DPYSL3: variants seen among roughly 807,000 people sequenced by gnomAD.
DPYSL3 encodes dihydropyrimidinase like 3.
Under a neutral mutation model 66.1 loss-of-function variants are expected in DPYSL3, and 16 were observed. The ratio of observed to expected loss-of-function variants is 0.24; its 90% CI spans 0.16 to 0.37. The LOEUF is 0.37. DPYSL3 is among the 10% of genes least tolerant of loss of function. The probability of loss-of-function intolerance (pLI) is 1.00; values close to 1 mark genes in which losing one functional copy is unlikely to be tolerated. For missense variants in DPYSL3, 738 were observed against 916.2 expected (o/e 0.81, Z 2.51); for synonymous variants, 338 against 345.1 (o/e 0.98, Z 0.23).
chr5:147,479,822 A>G (rs898064070), intron 1 of DPYSL3, among the ~76,000 whole-genome samples: 1 of 152,186 alleles, frequency 6.6e-6, no homozygotes, highest in Non-Finnish European at 1.5e-5. Context: ...CACAGAAATC[A>G]GGCTTAGCAT....
chr5:147,402,840 C>G (rs1007985311), intron 8 of DPYSL3, among the ~76,000 whole-genome samples: 6 of 152,132 alleles, frequency 3.9e-5, no homozygotes, highest in African/African-American at 1.2e-4. Flanking sequence ...TGTTTAGCTT[C>G]TTTAAGAAGA....
chr5:147,494,880 A>AAATAATAACAAT (rs767161131), intron 1 of DPYSL3, among the ~76,000 whole-genome samples: 38 of 142,446 alleles, frequency 2.7e-4, no homozygotes, highest in Non-Finnish European at 4.9e-4. Context: ...CTCCATCTCA[A>AAATAATAACAAT]AATAATAATA....
At position 147,392,328 on chromosome 5, in the gene DPYSL3, C is replaced by G. The variant is rs754207295; in HGVS notation, c.*1707G>C. ...CAGAAGGTAGCTTGCTAGGGGAAATCCTGTTCCTTGGCTATCTCCAAATTC... is the reference window on the plus strand; with the variant it reads ...CAGAAGGTAGCTTGCTAGGGGAAATGCTGTTCCTTGGCTATCTCCAAATTC... On this transcript the variant is annotated 3_prime_UTR_variant, in exon 14 of 14. Coordinates refer to ENST00000343218, the MANE Select transcript of DPYSL3 (RefSeq NM_001197294.2). 2.0e-5 allele frequency: 3 copies of G among 152,218 alleles called. No homozygotes were observed. Among genetic ancestry groups the G allele is most frequent in the African/African-American group, 4.8e-5 (2 of 41,456 alleles). The allele number at this position is 152,218 out of a possible 1,614,324, so 9.4% of individuals were successfully genotyped here.
At chr5:147,447,834 G>A (rs778163792) in intron 1 of DPYSL3, among the ~76,000 whole-genome samples, 20 of 152,082 alleles carry the variant, frequency 1.3e-4, no homozygotes, top group Middle Eastern at 3.2e-3. Flanking sequence ...GCAAACCTCC[G>A]TCTCAAAAAA....
intron 1 of DPYSL3, among the ~76,000 whole-genome samples, chr5:147,473,716 T>C (rs1753116021): frequency 6.6e-6 from 1 of 152,138 alleles, no homozygotes; most frequent in Admixed American, 6.5e-5. Context: ...GCAATGGACT[T>C]TTCCACCAAT....
chr5:147,422,062 G>GTGAACAGGCATGGGAGAAAA (rs2126322117), intron 2 of DPYSL3, among the ~76,000 whole-genome samples: 1 of 152,096 alleles, frequency 6.6e-6, no homozygotes, highest in African/African-American at 2.4e-5. Flanking sequence ...TATCATCAGA[G>GTGAACAGGCATGGGAGAAAA]TGAACAGGCA....
chr5:147,489,431 T>C (rs1312886585), intron 1 of DPYSL3, among the ~76,000 whole-genome samples: 1 of 152,180 alleles, frequency 6.6e-6, no homozygotes, highest in Non-Finnish European at 1.5e-5. Flanking sequence ...CCATTTCTAG[T>C]TGTATGATTA....
intron 1 of DPYSL3, among the ~76,000 whole-genome samples, chr5:147,429,409 A>C (rs74608424): frequency 0.011 from 1,695 of 152,160 alleles, 35 homozygotes; most frequent in African/African-American, 0.04. Context: ...CTCTCAGAGC[A>C]TCGTTTTTTT....
At chr5:147,460,028 G>T (rs1376632596) in intron 1 of DPYSL3, among the ~76,000 whole-genome samples, 7 of 151,868 alleles carry the variant, frequency 4.6e-5, no homozygotes, top group Admixed American at 4.6e-4. Context: ...GGAGAATGGT[G>T]TGAACCCAGG....
At chr5:147,494,646 A>G (rs574372887) in intron 1 of DPYSL3, among the ~76,000 whole-genome samples, 105 of 150,006 alleles carry the variant, frequency 7.0e-4, no homozygotes, top group African/African-American at 2.3e-3. Flanking sequence ...CGGGCAGATC[A>G]CGAGGTCAGG....
intron 1 of DPYSL3, among the ~76,000 whole-genome samples, chr5:147,452,374 AG>A (rs1752748063): frequency 6.6e-6 from 1 of 151,918 alleles, no homozygotes; most frequent in Non-Finnish European, 1.5e-5. Flanking sequence ...AGAGCCTCCC[AG>A]GGGCCAGCTG....
chr5:147,499,327 A>C (rs1753568377), intron 1 of DPYSL3, among the ~76,000 whole-genome samples: 1 of 152,156 alleles, frequency 6.6e-6, no homozygotes, highest in African/African-American at 2.4e-5. Context: ...TAATATGCAA[A>C]AGTCACTTGC....
chr5:147,409,003 GAAGA>G (rs1019322162), intron 6 of DPYSL3, among the ~76,000 whole-genome samples: 1 of 152,200 alleles, frequency 6.6e-6, no homozygotes, highest in African/African-American at 2.4e-5. Flanking sequence ...GTTTTTATTA[GAAGA>G]AAGATAGTTG....
chr5:147,495,665 A>C (rs1753490302), intron 1 of DPYSL3, among the ~76,000 whole-genome samples: 2 of 152,226 alleles, frequency 1.3e-5, no homozygotes, highest in African/African-American at 2.4e-5. Context: ...CAAAGAGAAT[A>C]AAATACCTAG....
intron 6 of DPYSL3, among the ~76,000 whole-genome samples, chr5:147,410,921 G>A (rs1175997208): frequency 6.6e-6 from 1 of 152,160 alleles, no homozygotes; most frequent in Admixed American, 6.5e-5. Flanking sequence ...CCAAGGTAGG[G>A]AAATAGCAGC....
chr5:147,463,041 C>T (rs1012470298), intron 1 of DPYSL3, among the ~76,000 whole-genome samples: 9 of 152,154 alleles, frequency 5.9e-5, no homozygotes, highest in African/African-American at 2.2e-4. Context: ...CAATTCACTG[C>T]AGATGGAAGT....
At chr5:147,444,437 T>C (rs1752592609) in intron 1 of DPYSL3, among the ~76,000 whole-genome samples, 1 of 152,228 alleles carries the variant, frequency 6.6e-6, no homozygotes, top group Non-Finnish European at 1.5e-5. Context: ...CCAGAGCTTA[T>C]GGTCAATAAA....
chr5:147,472,068 C>T (rs1425292785), intron 1 of DPYSL3, among the ~76,000 whole-genome samples: 2 of 152,292 alleles, frequency 1.3e-5, no homozygotes, highest in East Asian at 3.9e-4. Context: ...ACAGCTGAAG[C>T]ACATGAGACT....
rs536417702 is a variant in DPYSL3 at position 147,509,779 on chromosome 5, T to C, written c.80A>G (p.Asp27Gly). ...PVYLARPGTT[D>G]QVPRQKYGGM... ...GCCGTATTTCTGCCGCGGGACCTGG[T>C]CCGTGGTGCCCGGCCTGGCCAGGTA... The change falls in exon 1 of 14, where the codon GAC (aspartate) becomes GGC (glycine). Residue 27 changes from aspartate (D) to glycine (G), a missense_variant. Asp to Gly is a moderately conservative substitution (Grantham distance 94). Coordinates refer to ENST00000343218, the MANE Select transcript of DPYSL3 (RefSeq NM_001197294.2). This position sits in a 1 kb window ranked among gnomAD's most constrained non-coding sequence, Gnocchi z 5.3. 2 of 1,535,972 alleles carry C rather than the reference T, an allele frequency of 1.3e-6. No homozygotes were observed. The highest frequency in any genetic ancestry group is 2.0e-5 in the Admixed American group (1 of 51,002).
Sources: allele counts gnomAD v4.1 joint callset (sites outside exome capture counted in the v4.1 genomes callset), GRCh38; gene constraint gnomAD v4.1.1; non-coding constraint Gnocchi (gnomAD v3.1); transcripts MANE v1.5; gene names NCBI Gene and HGNC (gene_info 2026-07-23, HGNC 2026-07-21).